CEBPZOS: variants seen among roughly 807,000 people sequenced by gnomAD.
CEBPZOS encodes CEBPZ opposite strand, also known as protein CEBPZOS.
CEBPZOS carries 10 observed loss-of-function variants against 4.8 expected under a neutral mutation model. The observed-to-expected ratio is 2.07, with a 90% CI of 1.28 to 3.52. The LOEUF is 3.52. Among genes scored for constraint, CEBPZOS ranks in the 30% most tolerant of loss-of-function variants. The probability of loss-of-function intolerance (pLI) is 0.00; values close to 1 mark genes in which losing one functional copy is unlikely to be tolerated. For missense variants in CEBPZOS, 98 were observed against 43.6 expected, an observed-to-expected ratio of 2.25 and a Z score of -3.51; for synonymous variants, 25 against 14.2, an observed-to-expected ratio of 1.77 and a Z score of -1.72.
Position 37,203,229 on chromosome 2 carries a change from G to T in CEBPZOS, c.*1369G>T. 3.1e-6 allele frequency: 1 copy of T among 324,900 alleles called. No homozygotes were observed. The allele number at this position is 324,900 out of a possible 1,614,324, so 20.1% of individuals were successfully genotyped here. On this transcript the variant is annotated 3_prime_UTR_variant, in exon 5 of 5. Transcript: ENST00000402297. Reference sequence around the variant, plus strand: ...CCTAATAGAACTGTTCAGATGACAAGAGTGTCTTCTTGCTTTTCAGATTTG... The same window carrying T: ...CCTAATAGAACTGTTCAGATGACAATAGTGTCTTCTTGCTTTTCAGATTTG...
chr2:37,206,602 C>A (rs113686817), downstream of CEBPZOS, among the ~76,000 whole-genome samples: 5 of 152,258 alleles, frequency 3.3e-5, no homozygotes, highest in African/African-American at 1.2e-4. Flanking sequence ...AGGTGATGCC[C>A]GCCTGGGCCT....
rs754312501 is a variant in CEBPZOS, at chr2:37,212,316, G to A, written c.*3-1121G>A. The stretch of plus-strand genomic sequence containing the variant: ...GGAAATGCTAGAAAAATAGGAAGGA[G>A]AAGATAGAAGTATGTTACCCAGCAA... On this transcript the variant is annotated intron_variant, in intron 4 of 4. Coordinates refer to the CEBPZOS transcript ENST00000397064. The A allele has an allele frequency of 1.1e-5, 17 of 1,605,198 alleles. No homozygotes were observed. The South Asian group carries it at 1.9e-4, about 18-fold the overall frequency.
At chr2:37,198,963 G>C (rs1162722555) in intron 1 of CEBPZOS, among the ~76,000 whole-genome samples, 1 of 151,800 alleles carries the variant, frequency 6.6e-6, no homozygotes, top group Non-Finnish European at 1.5e-5. Context: ...AGACCAATCT[G>C]GGCAACATGG....
Position 37,202,699 on chromosome 2 carries a change from A to AAAAAAAAAAT in CEBPZOS, c.*839_*840insAAAAAAAAAT. On this transcript the variant is annotated 3_prime_UTR_variant, in exon 5 of 5. Coordinates refer to ENST00000402297, the MANE Select transcript of CEBPZOS (RefSeq NM_001322374.2). ...AAAAAAAAAAAAAAAAAAAGAATAA[A>AAAAAAAAAAT]TAAAATAACGAAAATTTCCTATCTT... 7.2e-6 allele frequency: 2 copies of AAAAAAAAAAT among 277,782 alleles called. No homozygotes were observed. Among genetic ancestry groups the AAAAAAAAAAT allele is most frequent in the Non-Finnish European group, 1.3e-5 (2 of 159,166 alleles). The allele number at this position is 277,782 out of a possible 1,614,324, so 17.2% of individuals were successfully genotyped here.
chr2:37,202,235 C>G lies in CEBPZOS; in HGVS notation c.*375C>G, dbSNP rs72875718. ...AAAAAAAAGTAATTTTTGTAGTCTGCAAGGTTTTTTTTTTTTTTGCTTTAG... is the reference window on the plus strand; with the variant it reads ...AAAAAAAAGTAATTTTTGTAGTCTGGAAGGTTTTTTTTTTTTTTGCTTTAG... On this transcript the variant is annotated 3_prime_UTR_variant, in exon 5 of 5. Coordinates refer to ENST00000402297, the MANE Select transcript of CEBPZOS (RefSeq NM_001322374.2). 4.6e-3 allele frequency: 812 copies of G among 174,930 alleles called. 7 individuals carry two copies. The highest frequency in any genetic ancestry group is 0.019 in the African/African-American group (771 of 41,552). 10.8% of individuals were successfully genotyped at this position (174,930 alleles called of 1,614,324 possible). A position where few individuals can be genotyped will look rare whatever the true frequency, so the allele number is the denominator to read the frequency against.
chr2:37,215,136 C>G (rs1677837411), downstream of CEBPZOS, among the ~76,000 whole-genome samples: 1 of 152,108 alleles, frequency 6.6e-6, no homozygotes, highest in Non-Finnish European at 1.5e-5. Flanking sequence ...GAAGACCCCC[C>G]CAACATTTGA....
chr2:37,212,480 G>A, intron 4 of CEBPZOS: 2 of 1,143,804 alleles, frequency 1.7e-6, no homozygotes, highest in Non-Finnish European at 1.3e-6. Context: ...TCTAAGTCAT[G>A]ATTCTGCTGT....
At chr2:37,199,378 A>G (rs1258616408) in intron 1 of CEBPZOS, among the ~76,000 whole-genome samples, 1 of 152,228 alleles carries the variant, frequency 6.6e-6, no homozygotes, top group Non-Finnish European at 1.5e-5. Flanking sequence ...CAGTGCAGCT[A>G]AAAAATTATC....
intron 4 of CEBPZOS, 49 bp downstream of exon 4, chr2:37,201,775 GT>G (rs1360526789): frequency 5.6e-6 from 8 of 1,420,572 alleles, no homozygotes; most frequent in East Asian, 2.3e-5. Flanking sequence ...CATTTCCTTT[GT>G]TTTTTAGTTT....
intron 1 of CEBPZOS, among the ~76,000 whole-genome samples, chr2:37,198,829 T>C (rs1221166880): frequency 1.3e-5 from 2 of 152,112 alleles, no homozygotes; most frequent in African/African-American, 4.8e-5. Flanking sequence ...TCAGTTTCCA[T>C]CCCCTGCCCC....
intron 4 of CEBPZOS, chr2:37,212,550 T>C: frequency 1.6e-6 from 1 of 644,684 alleles, no homozygotes; most frequent in East Asian, 2.6e-5. Flanking sequence ...GCCTTAATAA[T>C]GTATACAAAC....
downstream of CEBPZOS, chr2:37,209,061 A>AG (rs1553349527): frequency 1.4e-5 from 2 of 148,068 alleles, no homozygotes. Flanking sequence ...AAAAAAAAAA[A>AG]TAATAATACT....
Position 37,201,623 on chromosome 2 carries a change from G to C in CEBPZOS, c.161-19G>C, listed in dbSNP as rs1331116936. 5 of 697,284 alleles carry C rather than the reference G, an allele frequency of 7.2e-6. No individual in the cohort carries two copies. Among genetic ancestry groups the C allele is most frequent in the Non-Finnish European group, 1.3e-5 (5 of 388,726 alleles). The allele number at this position is 697,284 out of a possible 1,614,324, so 43.2% of individuals were successfully genotyped here. A position where few individuals can be genotyped will look rare whatever the true frequency, so the allele number is the denominator to read the frequency against. ...TGCTTCCACATGACTTTATAAATGA[G>C]AGCTATTTTTATTTATAGTTTATTA... On this transcript the variant is annotated intron_variant, in intron 3 of 4. Coordinates refer to ENST00000402297, the MANE Select transcript of CEBPZOS (RefSeq NM_001322374.2).
chr2:37,214,550 AAAG>A (rs773864320), downstream of CEBPZOS, among the ~76,000 whole-genome samples: 4 of 152,296 alleles, frequency 2.6e-5, no homozygotes, highest in East Asian at 5.8e-4. Flanking sequence ...TAAATTCCAA[AAAG>A]AAGCATAAAA....
chr2:37,212,133 CAGAA>C (rs542092131), intron 4 of CEBPZOS: 2 of 1,164,422 alleles, frequency 1.7e-6, no homozygotes, highest in Non-Finnish European at 2.4e-6. Flanking sequence ...TTAAATGACT[CAGAA>C]GGAGAAAGCT....
chr2:37,205,568 G>T (rs1296799108), downstream of CEBPZOS, among the ~76,000 whole-genome samples: 1 of 152,190 alleles, frequency 6.6e-6, no homozygotes, highest in Non-Finnish European at 1.5e-5. Context: ...CCTGCACCCA[G>T]GTGAAATAAG....
intron 4 of CEBPZOS, chr2:37,211,411 A>AG (rs1453006281): frequency 8.3e-6 from 2 of 241,408 alleles, no homozygotes; most frequent in Admixed American, 1.0e-4. Flanking sequence ...TGCATGCTGG[A>AG]GGTATGTGAA....
intron 1 of CEBPZOS, among the ~76,000 whole-genome samples, chr2:37,198,843 T>A (rs1677075168): frequency 6.6e-6 from 1 of 152,106 alleles, no homozygotes; most frequent in Non-Finnish European, 1.5e-5. Flanking sequence ...CTGCCCCCAT[T>A]TGTATAAAAA....
At chr2:37,213,870 G>T (rs1358083092), downstream of CEBPZOS, 1 of 1,602,110 alleles carries the variant, frequency 6.2e-7, no homozygotes, top group Non-Finnish European at 8.5e-7. Context: ...TTACCAATCA[G>T]CTCTTCAAAT....
Sources: gnomAD v4.1 joint callset for allele counts (sites outside exome capture counted in the v4.1 genomes callset) on GRCh38, gnomAD v4.1.1 for gene constraint, MANE v1.5 for transcripts, NCBI Gene and HGNC (gene_info 2026-07-23, HGNC 2026-07-21) for gene names.